HDAC4: variants seen among roughly 807,000 people sequenced by gnomAD.
HDAC4 encodes histone deacetylase 4.
Under a neutral mutation model 135.1 loss-of-function variants are expected in HDAC4, and 16 were observed. The observed-to-expected ratio is 0.12, with a 90% CI of 0.08 to 0.18. The LOEUF (loss-of-function observed/expected upper bound fraction) is 0.18. Ranked by LOEUF, HDAC4 falls within the 10% of genes least tolerant of loss-of-function variation. The pLI, the probability that HDAC4 is intolerant of heterozygous loss-of-function variation, is 1.00. For missense variants in HDAC4, 1,143 were observed against 1,511.8 expected, an observed-to-expected ratio of 0.76 and a Z score of 4.05; for synonymous variants, 685 against 653.4, an observed-to-expected ratio of 1.05 and a Z score of -0.74.
intron 4 of HDAC4, among the ~76,000 whole-genome samples, chr2:239,182,544 G>T (rs971954325): frequency 1.3e-5 from 2 of 152,200 alleles, no homozygotes; most frequent in African/African-American, 4.8e-5. Context: ...GAAACCAGCA[G>T]TCACAAACAG....
chr2:239,368,327 A>C (rs1416597962), intron 1 of HDAC4, among the ~76,000 whole-genome samples: 1 of 152,146 alleles, frequency 6.6e-6, no homozygotes, highest in Middle Eastern at 3.2e-3. Context: ...GGCTGTGAGG[A>C]ATTCAGGGAC....
chr2:239,156,724 C>T lies in HDAC4; in HGVS notation c.661G>A (p.Val221Met), dbSNP rs1448203530. The T allele has an allele frequency of 6.2e-7, 1 of 1,614,148 alleles. No individual in the cohort carries two copies. Among genetic ancestry groups the T allele is most frequent in the Non-Finnish European group, 8.5e-7 (1 of 1,180,026 alleles). Residue 221 changes from valine (V) to methionine (M), a missense_variant, in exon 7 of 27, where the codon GTG (valine) becomes ATG (methionine). Val to Met is a conservative substitution (Grantham distance 21). This residue lies in a region of HDAC4 where 247 missense variants were observed against 310.0 expected (regional missense o/e 0.80). Transcript: ENST00000543185. ...ACCGGGTGGTTATAGGAGGTCGACA[C>T]TCCGCTCTGGGGTGGAGAACTCTGG... is the stretch of plus-strand genomic sequence containing the variant. ...LDQSSPPQSG[V>M]STSYNHPVLG...
At chr2:239,208,327 A>AAG (rs1183575594) in intron 3 of HDAC4, among the ~76,000 whole-genome samples, 1 of 59,700 alleles carries the variant, frequency 1.7e-5, no homozygotes, top group African/African-American at 4.2e-5. Flanking sequence ...ACTCCGTCCC[A>AAG]AAAAAAAAAA....
chr2:239,305,890 C>A (rs191148996), intron 2 of HDAC4, among the ~76,000 whole-genome samples: 1 of 152,352 alleles, frequency 6.6e-6, no homozygotes, highest in East Asian at 1.9e-4. Context: ...CCGCTGCCCA[C>A]ACGGGCCCTG....
intron 3 of HDAC4, among the ~76,000 whole-genome samples, chr2:239,207,337 G>A (rs543385739): frequency 6.6e-6 from 1 of 152,094 alleles, no homozygotes; most frequent in South Asian, 2.1e-4. Context: ...AATTAGAAAA[G>A]CAACAGTAGA....
Position 239,287,279 on chromosome 2 carries a change from G to A in HDAC4, c.23-50615C>T, listed in dbSNP as rs533616870. Reference sequence around the variant, plus strand: ...CTCCTGAGGCTCCTTCGGCTGCGACGGTTTCTCAGACTTGCCTTGTTTTTA... The same window carrying A: ...CTCCTGAGGCTCCTTCGGCTGCGACAGTTTCTCAGACTTGCCTTGTTTTTA... On this transcript the variant is annotated intron_variant, in intron 2 of 26. Transcript: ENST00000543185. 1.2e-4 allele frequency among the ~76,000 whole-genome samples: 18 copies of A among 152,206 alleles called. No individual in the cohort carries two copies. In the South Asian group the frequency reaches 2.5e-3, roughly 21 times the overall value.
At chr2:239,182,018 A>C (rs2044183906) in intron 4 of HDAC4, among the ~76,000 whole-genome samples, 1 of 152,160 alleles carries the variant, frequency 6.6e-6, no homozygotes, top group African/African-American at 2.4e-5. Context: ...TTGCCGCCAC[A>C]TGCAAGCAAA....
rs1386578311 is a variant in HDAC4 at position 239,338,481 on chromosome 2, T to C, written c.22+14197A>G. ...TTCGTCCAACCCCCTAGTGCAAACA[T>C]CAAATGACACCTATTAAAATTGACA... On this transcript the variant is annotated intron_variant, in intron 2 of 26. Transcript: ENST00000543185. 5.3e-5 allele frequency among the ~76,000 whole-genome samples: 8 copies of C among 152,282 alleles called. No homozygotes were observed. The South Asian group carries it at 1.5e-3, about 28-fold the overall frequency.
At chr2:239,391,095 A>C (rs1696172357) in intron 1 of HDAC4, among the ~76,000 whole-genome samples, 1 of 152,104 alleles carries the variant, frequency 6.6e-6, no homozygotes, top group Non-Finnish European at 1.5e-5. Flanking sequence ...TACGAATCAC[A>C]CTGTGGCCAA....
chr2:239,195,724 G>A (rs768822164), intron 3 of HDAC4, among the ~76,000 whole-genome samples: 1 of 152,148 alleles, frequency 6.6e-6, no homozygotes, highest in Non-Finnish European at 1.5e-5. Flanking sequence ...AATATTCTAC[G>A]GTACAGCAGA....
chr2:239,361,386 A>C (rs1693858092), intron 1 of HDAC4, among the ~76,000 whole-genome samples: 1 of 152,214 alleles, frequency 6.6e-6, no homozygotes, highest in African/African-American at 2.4e-5. Flanking sequence ...AGAAATTCAC[A>C]AGTTTGTGGT....
chr2:239,241,431 G>T (rs1008840792), intron 2 of HDAC4, among the ~76,000 whole-genome samples: 3 of 152,136 alleles, frequency 2.0e-5, no homozygotes, highest in Non-Finnish European at 2.9e-5. Context: ...CTTTTTCACT[G>T]GCTGTTTTGG....
At chr2:239,106,939 G>T (rs1383036561) in intron 15 of HDAC4, among the ~76,000 whole-genome samples, 3 of 152,180 alleles carry the variant, frequency 2.0e-5, no homozygotes, top group African/African-American at 7.2e-5. Context: ...TAGGATGGTG[G>T]GATTCCTGGT....
rs192086405 is a variant in HDAC4, at chr2:239,331,533, G to A, written c.22+21145C>T. ...AATGCAAGCCTGGAAAGCAAGCTGGGACTCGTGAACTAAGCCGCCCAGATA... is the reference window on the plus strand; with the variant it reads ...AATGCAAGCCTGGAAAGCAAGCTGGAACTCGTGAACTAAGCCGCCCAGATA... On this transcript the variant is annotated intron_variant, in intron 2 of 26. Coordinates refer to ENST00000543185, the MANE Select transcript of HDAC4 (RefSeq NM_001378414.1). The surrounding 1 kb of genome is among the most constrained non-coding windows in gnomAD (Gnocchi z 4.5). Among the ~76,000 whole-genome samples, 60 of 152,294 alleles carry A rather than the reference G, an allele frequency of 3.9e-4. No individual in the cohort carries two copies. Among genetic ancestry groups the A allele is most frequent in the African/African-American group, 1.4e-3 (59 of 41,572 alleles).
intron 2 of HDAC4, among the ~76,000 whole-genome samples, chr2:239,301,095 C>T (rs2052229584): frequency 6.6e-6 from 1 of 152,332 alleles, no homozygotes. Context: ...GGGAGCAAGG[C>T]CTTCCTGCAG....
Position 239,400,024 on chromosome 2 carries a change from T to A in HDAC4, c.-220+954A>T, listed in dbSNP as rs1049610606. Among the ~76,000 whole-genome samples, 2 of 152,208 alleles carry A rather than the reference T, an allele frequency of 1.3e-5. No individual in the cohort carries two copies. Among genetic ancestry groups the A allele is most frequent in the African/African-American group, 4.8e-5 (2 of 41,472 alleles). On this transcript the variant is annotated intron_variant, in intron 1 of 26. Transcript: ENST00000543185. The surrounding 1 kb of genome is among the most constrained non-coding windows in gnomAD (Gnocchi z 4.7). ...CCAACTGATACGCACGGTCTCCTCC[T>A]ATAACAGTGTCAAATAATTCAACGC...
intron 8 of HDAC4, among the ~76,000 whole-genome samples, chr2:239,143,836 G>A (rs1390079078): frequency 6.6e-6 from 1 of 152,192 alleles, no homozygotes. Flanking sequence ...CCTTCAAGTT[G>A]AACACTTTCT....
At chr2:239,086,603 G>A (rs538713515) in intron 19 of HDAC4, among the ~76,000 whole-genome samples, 25 of 152,360 alleles carry the variant, frequency 1.6e-4, no homozygotes, top group East Asian at 7.7e-4. Context: ...TATCTCTCAC[G>A]TCCTGCCGGC....
Position 239,057,337 on chromosome 2 carries a change from AGTAT to A in HDAC4, c.3004-2508_3004-2505del, listed in dbSNP as rs1231870558. Reference sequence around the variant, plus strand: ...TAAATTATAAAAAGTAAATATAGTGAGTATGTATTAAAAATAAATGACATTTCTG... The same window carrying A: ...TAAATTATAAAAAGTAAATATAGTGAGTATTAAAAATAAATGACATTTCTG... On this transcript the variant is annotated intron_variant, in intron 24 of 26. Transcript: ENST00000543185. Among the ~76,000 whole-genome samples the A allele has an allele frequency of 2.6e-5, 4 of 152,358 alleles. No individual in the cohort carries two copies. The East Asian group carries it at 7.7e-4, about 29-fold the overall frequency.
Sources: allele counts gnomAD v4.1 joint callset (sites outside exome capture counted in the v4.1 genomes callset), GRCh38; gene constraint gnomAD v4.1.1; regional missense constraint gnomAD v4.1.1; non-coding constraint Gnocchi (gnomAD v3.1); transcripts MANE v1.5; gene names NCBI Gene and HGNC (gene_info 2026-07-23, HGNC 2026-07-21).